The following CIT variants were observed in gnomAD, a reference collection of about 807,000 sequenced individuals.
CIT encodes citron rho-interacting serine/threonine kinase.
A neutral mutation model predicts 272.7 loss-of-function variants in CIT; 79 were observed. That is an observed-to-expected ratio of 0.29 (90% CI 0.24 to 0.35). The LOEUF (loss-of-function observed/expected upper bound fraction) is 0.35, where lower values mean the gene tolerates loss of function less well. Among genes scored for constraint, CIT ranks in the 10% least tolerant of loss-of-function variants. The probability of loss-of-function intolerance (pLI) is 1.00; values close to 1 mark genes in which losing one functional copy is unlikely to be tolerated. For missense variants in CIT, 1,909 were observed against 2,618.3 expected (o/e 0.73, Z 5.91); for synonymous variants, 948 against 995.6 (o/e 0.95, Z 0.90).
At chr12:119,873,559 C>T (rs992382002) in intron 2 of CIT, among the ~76,000 whole-genome samples, 17 of 152,134 alleles carry the variant, frequency 1.1e-4, no homozygotes, top group Non-Finnish European at 1.9e-4. Context: ...GGATTACAGG[C>T]GTGAGCCACC....
At chr12:119,700,859 C>G (rs750234462) in intron 43 of CIT, 34 bp from the exon 44 acceptor site, 2 of 1,538,616 alleles carry the variant, frequency 1.3e-6, no homozygotes, top group Non-Finnish European at 1.8e-6. Flanking sequence ...GGCATTAGCA[C>G]AGCCAAGAGC....
chr12:119,859,197 A>C (rs1950260444), intron 3 of CIT, among the ~76,000 whole-genome samples: 1 of 152,240 alleles, frequency 6.6e-6, no homozygotes, highest in Admixed American at 6.5e-5. Context: ...CAGGCATTAC[A>C]CACCAAGGGC....
chr12:119,735,225 T>C lies in CIT; in HGVS notation c.3091A>G (p.Ser1031Gly). Residue 1031 changes from serine to glycine, a missense_variant, in exon 25 of 48, where the codon AGT becomes GGT. Physicochemically the swap from Ser to Gly is moderately conservative, Grantham distance 56 (BLOSUM62 0). Coordinates refer to ENST00000392521, the MANE Select transcript of CIT (RefSeq NM_001206999.2). ...TCCCGGCGGAGATGGTCCACTTCAC[T>C]TCGCAGTTGTACAATCTCGTCGTTG... is the stretch of plus-strand genomic sequence containing the variant. The part of the protein sequence containing the change: ...GANDEIVQLR[S>G]EVDHLRREIT... 1 of 1,614,176 alleles carries C rather than the reference T, an allele frequency of 6.2e-7. No individual in the cohort carries two copies. The highest frequency in any genetic ancestry group is 8.5e-7 in the Non-Finnish European group (1 of 1,180,028).
At chr12:119,705,967 G>A (rs1013313134) in intron 40 of CIT, among the ~76,000 whole-genome samples, 1 of 151,416 alleles carries the variant, frequency 6.6e-6, no homozygotes, top group African/African-American at 2.4e-5. Flanking sequence ...GTGCGTGCCT[G>A]TAGTCCCAGC....
intron 44 of CIT, among the ~76,000 whole-genome samples, chr12:119,698,417 C>T (rs1402425384): frequency 6.6e-6 from 1 of 152,024 alleles, no homozygotes; most frequent in African/African-American, 2.4e-5. Context: ...TGGTGAAACC[C>T]CATCTCTACT....
intron 26 of CIT, 127 bp from the exon 27 acceptor site, chr12:119,730,757 G>C: frequency 1.1e-6 from 1 of 917,644 alleles, no homozygotes; most frequent in South Asian, 1.8e-5. Context: ...GCCCAACCTT[G>C]ACTCTTAGTT....
Position 119,775,847 on chromosome 12 carries a change from T to C in CIT, c.1888-8A>G. ...CTGCTGCTCAGCATTGATCTATAAT[T>C]AAAATCCCAGGAAATAAAGCAAAAG... On this transcript the variant is annotated splice_region_variant and splice_polypyrimidine_tract_variant and intron_variant, in intron 15 of 47. Transcript: ENST00000392521. The C allele has an allele frequency of 6.2e-7, 1 of 1,610,714 alleles. No homozygotes were observed. The highest frequency in any genetic ancestry group is 8.5e-7 in the Non-Finnish European group (1 of 1,177,940).
chr12:119,748,852 G>A (rs1318194912), intron 23 of CIT, among the ~76,000 whole-genome samples: 1 of 152,196 alleles, frequency 6.6e-6, no homozygotes, highest in South Asian at 2.1e-4. Flanking sequence ...CACACAGCAC[G>A]CCTCTTGCCT....
chr12:119,814,764 CAA>C (rs1966984501), intron 9 of CIT, among the ~76,000 whole-genome samples: 1 of 152,092 alleles, frequency 6.6e-6, no homozygotes, highest in Non-Finnish European at 1.5e-5. Context: ...TTAAAAGGCC[CAA>C]AACATCACGC....
At position 119,768,787 on chromosome 12, in the gene CIT, A is replaced by G. The variant is rs1962758480; in HGVS notation, c.2209-1605T>C. Among the ~76,000 whole-genome samples the G allele has an allele frequency of 1.3e-5, 2 of 152,254 alleles. No homozygotes were observed. The highest frequency in any genetic ancestry group is 2.9e-5 in the Non-Finnish European group (2 of 68,050). On this transcript the variant is annotated intron_variant, in intron 18 of 47. Transcript: ENST00000392521. This position sits in a 1 kb window ranked among gnomAD's most constrained non-coding sequence, Gnocchi z 4.3. ...TAAGGCCAAGGACTCTACTGTACTGACTGTACCATTATCTGTTTTGAAAGT... is the reference window on the plus strand; with the variant it reads ...TAAGGCCAAGGACTCTACTGTACTGGCTGTACCATTATCTGTTTTGAAAGT...
rs55993032 is a variant in CIT, at chr12:119,730,552, G to T, written c.3429C>A (p.Leu1143=). 1 of 1,614,106 alleles carries T rather than the reference G, an allele frequency of 6.2e-7. No homozygotes were observed. Among genetic ancestry groups the T allele is most frequent in the South Asian group, 1.1e-5 (1 of 91,066 alleles). The change falls in exon 27 of 48, where the codon CTC becomes CTA. Residue 1143 remains leucine (L), a synonymous_variant. Coordinates refer to ENST00000392521, the MANE Select transcript of CIT (RefSeq NM_001206999.2). ...LAVKEHKAEI[L]ALQQALKEQK... Reference sequence around the variant, plus strand: ...GCTCTTTGAGAGCCTGCTGCAGAGCGAGAATCTCAGCCTTGTGCTCCTTCA... The same window carrying T: ...GCTCTTTGAGAGCCTGCTGCAGAGCTAGAATCTCAGCCTTGTGCTCCTTCA...
At position 119,710,035 on chromosome 12, in the gene CIT, T is replaced by C. The variant is rs2094604195; in HGVS notation, c.5071+216A>G. On this transcript the variant is annotated intron_variant, in intron 39 of 47. Transcript: ENST00000392521. This position sits in a 1 kb window ranked among gnomAD's most constrained non-coding sequence, Gnocchi z 5.6. ...CTTGGCCTAACAGTGGGATGTTCTT[T>C]GGGAATGTCAGACTGTGCTAAACTG... Among the ~76,000 whole-genome samples, 1 of 152,104 alleles carries C rather than the reference T, an allele frequency of 6.6e-6. No homozygotes were observed. The highest frequency in any genetic ancestry group is 6.6e-5 in the Admixed American group (1 of 15,254).
intron 16 of CIT, among the ~76,000 whole-genome samples, chr12:119,774,521 C>T (rs1444564093): frequency 2.0e-5 from 3 of 151,398 alleles, no homozygotes; most frequent in African/African-American, 7.3e-5. Flanking sequence ...GGTGATAGAT[C>T]TGTTAGCTGG....
chr12:119,762,703 G>A (rs1961957348), intron 19 of CIT, among the ~76,000 whole-genome samples: 3 of 152,162 alleles, frequency 2.0e-5, no homozygotes, highest in Admixed American at 1.3e-4. Flanking sequence ...ATACCAATAA[G>A]AGGTAAGTAT....
At chr12:119,701,495 G>C in intron 43 of CIT, 129 bp downstream of exon 43, 1 of 1,047,764 alleles carries the variant, frequency 9.5e-7, no homozygotes, top group South Asian at 1.6e-5. Flanking sequence ...GGTGGTGCTG[G>C]AAGGACATTC....
intron 5 of CIT, among the ~76,000 whole-genome samples, chr12:119,845,652 C>CAAA (rs34059849): frequency 5.1e-5 from 3 of 58,928 alleles, no homozygotes; most frequent in Non-Finnish European, 3.6e-5. Context: ...GACTCTGTCT[C>CAAA]AAAAAAAAAA....
At position 119,695,522 on chromosome 12, in the gene CIT, ACAGTGC is replaced by A. The variant is rs574564142; in HGVS notation, c.5882+2131_5882+2136del. The stretch of plus-strand genomic sequence containing the variant: ...TATATTAAATGGTGTAGGACCAGAC[ACAGTGC>A]TTCAAGCCTATAAACCTAGCACTTT... On this transcript the variant is annotated intron_variant, in intron 46 of 47. Transcript: ENST00000392521. Among the ~76,000 whole-genome samples, 15 of 152,304 alleles carry A rather than the reference ACAGTGC, an allele frequency of 9.8e-5. No individual in the cohort carries two copies. In the South Asian group the frequency reaches 3.1e-3, roughly 32 times the overall value.
At chr12:119,745,211 A>G (rs917347689) in intron 23 of CIT, among the ~76,000 whole-genome samples, 31 of 149,032 alleles carry the variant, frequency 2.1e-4, no homozygotes, top group African/African-American at 7.8e-4. Flanking sequence ...AAAATCTTAA[A>G]AAAAAAAAAA....
At chr12:119,839,217 A>G (rs1969230740) in intron 5 of CIT, among the ~76,000 whole-genome samples, 1 of 152,246 alleles carries the variant, frequency 6.6e-6, no homozygotes, top group South Asian at 2.1e-4. Context: ...GAAACGAAGG[A>G]CAAATGTGTC....
Sources: gnomAD v4.1 joint callset for allele counts (sites outside exome capture counted in the v4.1 genomes callset) on GRCh38, gnomAD v4.1.1 for gene constraint, Gnocchi (gnomAD v3.1) non-coding constraint, MANE v1.5 for transcripts, NCBI Gene and HGNC (gene_info 2026-07-23, HGNC 2026-07-21) for gene names.